PCDH11X: variants seen among roughly 807,000 people sequenced by gnomAD.
PCDH11X encodes the protein protocadherin-11 X-linked.
PCDH11X carries 18 observed loss-of-function variants against 53.3 expected under a neutral mutation model. The observed-to-expected ratio is 0.34, with a 90% confidence interval of 0.23 to 0.50. The LOEUF is 0.50. Among genes scored for constraint, PCDH11X ranks in the 20% least tolerant of loss-of-function variants. The pLI is 0.98. For missense variants in PCDH11X, 570 were observed against 1,032.4 expected (o/e 0.55, Z 6.14); for synonymous variants, 279 against 393.3 (o/e 0.71, Z 3.44).
intron 8 of PCDH11X, among the ~76,000 whole-genome samples, chrX:92,364,088 A>G (rs6615374): frequency 0.081 from 8,961 of 111,153 alleles, 957 homozygotes; most frequent in East Asian, 0.64. Flanking sequence ...GATTTTCATT[A>G]GAGATATTGA....
At chrX:92,020,120 G>A (rs1020878266) in intron 6 of PCDH11X, among the ~76,000 whole-genome samples, 9 of 112,465 alleles carry the variant, frequency 8.0e-5, no homozygotes, top group African/African-American at 2.3e-4. Context: ...CCCCAACCAC[G>A]GAGCTGCATA....
intron 9 of PCDH11X, among the ~76,000 whole-genome samples, chrX:92,453,891 T>C (rs1243528103): frequency 2.7e-5 from 3 of 109,812 alleles, no homozygotes; most frequent in Non-Finnish European, 5.7e-5. Flanking sequence ...TGCGTATAAA[T>C]TGAATATATT....
intron 9 of PCDH11X, among the ~76,000 whole-genome samples, chrX:92,429,872 T>C (rs2072211603): frequency 9.9e-6 from 1 of 100,531 alleles, no homozygotes. Flanking sequence ...TTAAAACTTC[T>C]AGTATGTTGT....
intron 7 of PCDH11X, among the ~76,000 whole-genome samples, chrX:92,202,350 G>A (rs778250853): frequency 9.0e-6 from 1 of 111,296 alleles, no homozygotes; most frequent in Admixed American, 9.6e-5. Flanking sequence ...GTACATGTTT[G>A]AGCTCACCCA....
chrX:92,157,462 T>A (rs921029434), intron 6 of PCDH11X, among the ~76,000 whole-genome samples: 5 of 111,801 alleles, frequency 4.5e-5, no homozygotes, highest in African/African-American at 1.6e-4. Context: ...GGCAAAAGGA[T>A]AGAACGATTA....
chrX:91,840,421 T>A (rs1271953651), intron 5 of PCDH11X, among the ~76,000 whole-genome samples: 1 of 111,551 alleles, frequency 9.0e-6, no homozygotes, highest in East Asian at 2.8e-4. Flanking sequence ...ACCCATCCCA[T>A]AAGGCATCCT....
Position 92,428,084 on chromosome X carries a change from C to T in PCDH11X, c.3343+40151C>T, listed in dbSNP as rs777500585. Reference sequence around the variant, plus strand: ...CATTGTAATTTCTCATACAAGTGTACAAATGATAGCGCAGCATCTCTTTCA... The same window carrying T: ...CATTGTAATTTCTCATACAAGTGTATAAATGATAGCGCAGCATCTCTTTCA... On this transcript the variant is annotated intron_variant, in intron 9 of 10. Transcript: ENST00000682573. Among the ~76,000 whole-genome samples the T allele has an allele frequency of 2.1e-3, 219 of 102,213 alleles. 2 individuals carry two copies. Among genetic ancestry groups the T allele is most frequent in the African/African-American group, 7.7e-3 (217 of 28,013 alleles). The allele number at this position is 102,213 out of a possible 115,157, so 88.8% of individuals were successfully genotyped here. A position where few individuals can be genotyped will look rare whatever the true frequency, so the allele number is the denominator to read the frequency against.
chrX:91,844,431 A>G (rs1937583760), intron 5 of PCDH11X, among the ~76,000 whole-genome samples: 1 of 110,167 alleles, frequency 9.1e-6, no homozygotes, highest in Admixed American at 9.8e-5. Context: ...TACTGCTAAT[A>G]TGAGTACTTT....
intron 10 of PCDH11X, among the ~76,000 whole-genome samples, chrX:92,607,700 C>T (rs2148814051): frequency 9.0e-6 from 1 of 111,654 alleles, no homozygotes; most frequent in East Asian, 2.8e-4. Context: ...ATTTCCTCAT[C>T]ACAAATAGGC....
chrX:92,398,968 G>T (rs1440044530), intron 9 of PCDH11X, among the ~76,000 whole-genome samples: 6 of 109,913 alleles, frequency 5.5e-5, no homozygotes, highest in African/African-American at 2.0e-4. Flanking sequence ...TGAGGCGGGC[G>T]GATCACGAGG....
chrX:92,177,217 A>G (rs4598432), intron 6 of PCDH11X, among the ~76,000 whole-genome samples: 55,049 of 109,164 alleles, frequency 0.5, 10,585 homozygotes, highest in Non-Finnish European at 0.6. Flanking sequence ...ACCTCAAGCA[A>G]TCTGCCTGCC....
intron 10 of PCDH11X, among the ~76,000 whole-genome samples, chrX:92,483,570 A>AGGGAAG (rs1301831770): frequency 1.3e-5 from 1 of 78,910 alleles, no homozygotes; most frequent in Non-Finnish European, 2.4e-5. Context: ...TTGCATAGAA[A>AGGGAAG]GGGAAGATAA....
intron 6 of PCDH11X, among the ~76,000 whole-genome samples, chrX:92,195,161 A>G (rs2066271981): frequency 9.0e-6 from 1 of 111,383 alleles, no homozygotes; most frequent in African/African-American, 3.3e-5. Flanking sequence ...AAGTTTTACA[A>G]TCCGGTACCA....
intron 8 of PCDH11X, among the ~76,000 whole-genome samples, chrX:92,375,158 A>T (rs2070712804): frequency 9.0e-5 from 1 of 11,129 alleles, no homozygotes; most frequent in Non-Finnish European, 2.2e-4. Flanking sequence ...ATATATATAT[A>T]TATATATATT....
intron 10 of PCDH11X, among the ~76,000 whole-genome samples, chrX:92,596,315 T>C (rs1327095984): frequency 9.0e-6 from 1 of 110,974 alleles, no homozygotes; most frequent in Non-Finnish European, 1.9e-5. Context: ...GAGTAGTCAT[T>C]GCTGTTTTTC....
chrX:91,824,667 T>C (rs905744661), intron 4 of PCDH11X, among the ~76,000 whole-genome samples: 1 of 104,140 alleles, frequency 9.6e-6, no homozygotes, highest in Non-Finnish European at 1.9e-5. Context: ...AGCCATCTTC[T>C]CTCAGCTCGT....
chrX:92,017,427 G>A (rs186507648), intron 6 of PCDH11X, among the ~76,000 whole-genome samples: 130 of 108,379 alleles, frequency 1.2e-3, no homozygotes, highest in African/African-American at 4.1e-3. Context: ...GGTGGGGCAC[G>A]GTGGCTCACC....
intron 10 of PCDH11X, among the ~76,000 whole-genome samples, chrX:92,504,143 T>C (rs1471082852): frequency 9.6e-6 from 1 of 103,903 alleles, no homozygotes; most frequent in Non-Finnish European, 2.0e-5. Context: ...AGTTCAGGGA[T>C]GTATGTACAG....
Position 92,622,657 on chromosome X carries a change from G to A in PCDH11X, c.*3717G>A, listed in dbSNP as rs759457871. On this transcript the variant is annotated 3_prime_UTR_variant, in exon 11 of 11. Coordinates refer to ENST00000682573, the MANE Select transcript of PCDH11X (RefSeq NM_032968.5). Reference sequence around the variant, plus strand: ...GGCTCAATTGGCCGGGAAAACATGGGAGCAAGAGAAGCTGAAATATATTTC... The same window carrying A: ...GGCTCAATTGGCCGGGAAAACATGGAAGCAAGAGAAGCTGAAATATATTTC... 1 of 110,830 alleles carries A rather than the reference G, an allele frequency of 9.0e-6. No individual in the cohort carries two copies. Among genetic ancestry groups the A allele is most frequent in the African/African-American group, 3.3e-5 (1 of 30,606 alleles). The allele number at this position is 110,830 out of a possible 1,213,427, so 9.1% of individuals were successfully genotyped here. A position where few individuals can be genotyped will look rare whatever the true frequency, so the allele number is the denominator to read the frequency against.
Sources: gnomAD v4.1 joint callset for allele counts (sites outside exome capture counted in the v4.1 genomes callset) on GRCh38, gnomAD v4.1.1 for gene constraint, MANE v1.5 for transcripts, NCBI Gene and HGNC (gene_info 2026-07-23, HGNC 2026-07-21) for gene names.